The following SUMF1 variants were observed in gnomAD, a reference collection of about 807,000 sequenced individuals.
SUMF1 encodes the protein sulfatase modifying factor 1.
In SUMF1, 48 loss-of-function variants were observed where a neutral mutation model predicts 47.6. The ratio of observed to expected loss-of-function variants is 1.01; its 90% CI spans 0.80 to 1.28. The LOEUF is 1.28. Ranked by LOEUF, SUMF1 falls within the 50% of genes most tolerant of loss-of-function variation. The probability of loss-of-function intolerance (pLI) is 0.00; values close to 1 mark genes in which losing one functional copy is unlikely to be tolerated. For missense variants in SUMF1, 571 were observed against 485.4 expected (o/e 1.18, Z -1.66); for synonymous variants, 230 against 192.1 (o/e 1.20, Z -1.63).
chr3:4,176,960 A>G (rs2125129739), intron 8 of SUMF1, among the ~76,000 whole-genome samples: 1 of 152,326 alleles, frequency 6.6e-6, no homozygotes. Context: ...ACATAATGGT[A>G]AAGGGATCAA....
rs1701167773 is a variant in SUMF1, at chr3:4,400,266, C to G, written c.954+10599G>C. On this transcript the variant is annotated intron_variant, in intron 7 of 8. Coordinates refer to ENST00000272902, the MANE Select transcript of SUMF1 (RefSeq NM_182760.4). ...CCCTCACCCTGAAATTTCCCCATGG[C>G]CTTTCCAGGTGAAGAAAAGTATAGG... 2.0e-5 allele frequency among the ~76,000 whole-genome samples: 3 copies of G among 152,134 alleles called. No homozygotes were observed. In the South Asian group the frequency reaches 6.2e-4, roughly 31 times the overall value.
At chr3:4,209,120 C>T (rs998138728) in intron 8 of SUMF1, among the ~76,000 whole-genome samples, 1 of 152,122 alleles carries the variant, frequency 6.6e-6, no homozygotes, top group African/African-American at 2.4e-5. Context: ...GACCTGGCCA[C>T]TTTATGGGAT....
chr3:4,149,912 A>G (rs953160186), intron 8 of SUMF1, among the ~76,000 whole-genome samples: 16 of 152,254 alleles, frequency 1.1e-4, no homozygotes, highest in African/African-American at 3.6e-4. Context: ...CATCACCTCA[A>G]TGGGTACATA....
chr3:4,343,792 A>G (rs1253850834), intron 8 of SUMF1, among the ~76,000 whole-genome samples: 1 of 152,240 alleles, frequency 6.6e-6, no homozygotes, highest in Admixed American at 6.5e-5. Context: ...TGCAGCAGCT[A>G]GACTCCCAGG....
At chr3:4,370,384 T>A (rs1303288736) in intron 8 of SUMF1, among the ~76,000 whole-genome samples, 1 of 152,262 alleles carries the variant, frequency 6.6e-6, no homozygotes, top group Non-Finnish European at 1.5e-5. Context: ...AATGTGGATA[T>A]ACATTTGCTA....
intron 1 of SUMF1, 41 bp downstream of exon 1, chr3:4,466,935 C>A (rs766853955): frequency 1.3e-6 from 2 of 1,598,526 alleles, no homozygotes; most frequent in Admixed American, 1.7e-5. Flanking sequence ...CGTCCAGGAA[C>A]CGAGCAGCCC....
chr3:4,238,113 TC>T (rs1166554977), intron 8 of SUMF1, among the ~76,000 whole-genome samples: 2 of 152,134 alleles, frequency 1.3e-5, no homozygotes, highest in Non-Finnish European at 2.9e-5. Context: ...CAGAAACTCA[TC>T]CTTTTTATGG....
intron 3 of SUMF1, among the ~76,000 whole-genome samples, chr3:4,436,383 C>G (rs6802986): frequency 0.021 from 3,139 of 151,666 alleles, 112 homozygotes; most frequent in African/African-American, 0.073. Flanking sequence ...AAAGATATAG[C>G]CAAATAGACA....
chr3:4,335,168 G>T (rs937293797), intron 8 of SUMF1, among the ~76,000 whole-genome samples: 4 of 152,096 alleles, frequency 2.6e-5, no homozygotes, highest in African/African-American at 9.7e-5. Flanking sequence ...AGAAAAAAGT[G>T]ATCTCTGCCT....
At chr3:4,166,879 T>C (rs2125119609) in intron 8 of SUMF1, among the ~76,000 whole-genome samples, 1 of 151,876 alleles carries the variant, frequency 6.6e-6, no homozygotes, top group South Asian at 2.1e-4. Context: ...CTCTGAAGAG[T>C]CGGGGGTGGT....
chr3:4,346,673 G>A (rs371059758), intron 8 of SUMF1, among the ~76,000 whole-genome samples: 39 of 151,732 alleles, frequency 2.6e-4, no homozygotes, highest in African/African-American at 8.0e-4. Context: ...AGAAATAACC[G>A]AGATCAGAGA....
chr3:4,260,059 A>T (rs1006127327), intron 8 of SUMF1, among the ~76,000 whole-genome samples: 37 of 152,104 alleles, frequency 2.4e-4, no homozygotes, highest in African/African-American at 8.0e-4. Context: ...TAGTTCAATA[A>T]TTCAGGAATA....
chr3:4,325,196 A>G (rs1404724278), intron 8 of SUMF1, among the ~76,000 whole-genome samples: 1 of 152,206 alleles, frequency 6.6e-6, no homozygotes, highest in African/African-American at 2.4e-5. Context: ...GGGTAGGGAC[A>G]CAGCCAAACC....
intron 8 of SUMF1, among the ~76,000 whole-genome samples, chr3:4,299,084 A>G: frequency 6.6e-6 from 1 of 152,266 alleles, no homozygotes; most frequent in East Asian, 1.9e-4. Context: ...TGTATCATAT[A>G]CATGACTATC....
chr3:4,358,219 A>G (rs1036648117), downstream of SUMF1, among the ~76,000 whole-genome samples: 2 of 152,080 alleles, frequency 1.3e-5, no homozygotes, highest in Admixed American at 6.5e-5. Context: ...TTCTCACTCA[A>G]CTGTCATGTA....
intron 1 of SUMF1, among the ~76,000 whole-genome samples, chr3:4,462,179 G>A (rs2079829999): frequency 6.6e-6 from 1 of 152,120 alleles, no homozygotes; most frequent in African/African-American, 2.4e-5. Flanking sequence ...AGGGGTACTG[G>A]ATGACTCTAT....
intron 8 of SUMF1, among the ~76,000 whole-genome samples, chr3:4,219,765 C>T (rs1447714737): frequency 1.3e-5 from 2 of 152,132 alleles, no homozygotes; most frequent in African/African-American, 4.8e-5. Context: ...TCCTGGGCAT[C>T]ATCCCAAATC....
chr3:4,228,484 C>T (rs553467256), intron 8 of SUMF1, among the ~76,000 whole-genome samples: 1 of 152,188 alleles, frequency 6.6e-6, no homozygotes, highest in Admixed American at 6.5e-5. Flanking sequence ...TGGAAAGCAG[C>T]CCCCGTGGGG....
chr3:4,457,038 G>GTATATATATATACGTGTGTGTATA (rs374637488), intron 1 of SUMF1, among the ~76,000 whole-genome samples: 25 of 109,252 alleles, frequency 2.3e-4, no homozygotes, highest in African/African-American at 2.8e-4. Context: ...ACGTGTGTGT[G>GTATATATATATACGTGTGTGTATA]TATATATATA....
Sources: allele counts gnomAD v4.1 joint callset (sites outside exome capture counted in the v4.1 genomes callset), GRCh38; gene constraint gnomAD v4.1.1; transcripts MANE v1.5; gene names NCBI Gene and HGNC (gene_info 2026-07-23, HGNC 2026-07-21).